The following PTPRN2 variants were observed in gnomAD, a reference collection of about 807,000 sequenced individuals.
PTPRN2 encodes the protein receptor-type tyrosine-protein phosphatase N2.
PTPRN2 carries 74 observed loss-of-function variants against 118.8 expected under a neutral mutation model. The ratio of observed to expected loss-of-function variants is 0.62; its 90% confidence interval spans 0.52 to 0.76. The LOEUF (loss-of-function observed/expected upper bound fraction) is 0.76, where lower values mean the gene tolerates loss of function less well. Among genes scored for constraint, PTPRN2 ranks in the 30% least tolerant of loss-of-function variants. PTPRN2 has a pLI of 0.00. For missense variants in PTPRN2, 1,481 were observed against 1,394.4 expected, an observed-to-expected ratio of 1.06 and a Z score of -0.99; for synonymous variants, 641 against 608.0, an observed-to-expected ratio of 1.05 and a Z score of -0.80.
intron 13 of PTPRN2, among the ~76,000 whole-genome samples, chr7:157,681,300 A>G (rs756857300): frequency 6.6e-6 from 1 of 152,214 alleles, no homozygotes; most frequent in Non-Finnish European, 1.5e-5. Context: ...TGGCCTGAAG[A>G]CCTGGCATCC....
chr7:158,344,234 C>A (rs1807317239), intron 2 of PTPRN2, among the ~76,000 whole-genome samples: 1 of 152,146 alleles, frequency 6.6e-6, no homozygotes, highest in Non-Finnish European at 1.5e-5. Context: ...CCCACACAGG[C>A]CCCAAGAAGC....
At chr7:157,995,737 T>C (rs995649533) in intron 11 of PTPRN2, among the ~76,000 whole-genome samples, 2 of 152,188 alleles carry the variant, frequency 1.3e-5, no homozygotes, top group African/African-American at 4.8e-5. Context: ...GAGGGGAGGA[T>C]CCACGTGTGC....
At chr7:158,088,317 A>G (rs1813683557) in intron 10 of PTPRN2, among the ~76,000 whole-genome samples, 1 of 31,862 alleles carries the variant, frequency 3.1e-5, no homozygotes, top group African/African-American at 5.7e-5. Flanking sequence ...CCCTGATGAA[A>G]GAGGGAGTCT....
Position 158,166,317 on chromosome 7 carries a change from C to T in PTPRN2, c.910+614G>A, listed in dbSNP as rs529260440. Among the ~76,000 whole-genome samples, 21 of 26,872 alleles carry T rather than the reference C, an allele frequency of 7.8e-4. 4 individuals carry two copies. Among genetic ancestry groups the T allele is most frequent in the Non-Finnish European group, 3.5e-4 (4 of 11,526 alleles). 17.6% of individuals were successfully genotyped at this position (26,872 alleles called of 152,430 possible). On this transcript the variant is annotated intron_variant, in intron 6 of 22. Coordinates refer to ENST00000389418, the MANE Select transcript of PTPRN2 (RefSeq NM_002847.5). ...ATCATCTCCTCCTCCCCCCCGGCCGCCGCGTTCCCTGTCCTCACACCCTCA... is the reference window on the plus strand; with the variant it reads ...ATCATCTCCTCCTCCCCCCCGGCCGTCGCGTTCCCTGTCCTCACACCCTCA...
intron 2 of PTPRN2, among the ~76,000 whole-genome samples, chr7:158,361,617 A>T (rs1293342693): frequency 1.3e-5 from 2 of 152,124 alleles, no homozygotes; most frequent in East Asian, 3.9e-4. Context: ...GACGATCTGG[A>T]GCCCCGGAGC....
At chr7:158,270,072 C>T (rs1586061222) in intron 3 of PTPRN2, among the ~76,000 whole-genome samples, 1 of 152,230 alleles carries the variant, frequency 6.6e-6, no homozygotes, top group Non-Finnish European at 1.5e-5. Context: ...TGTGCCCCAA[C>T]CAGAGCTTTT....
chr7:158,383,853 T>G (rs1811135536), intron 2 of PTPRN2, among the ~76,000 whole-genome samples: 1 of 152,232 alleles, frequency 6.6e-6, no homozygotes, highest in Non-Finnish European at 1.5e-5. Flanking sequence ...AATGACTTTT[T>G]TACAGAATTA....
rs1810940837 is a variant in PTPRN2, at chr7:157,869,810, A to C, written c.1788+28863T>G. 6.6e-6 allele frequency among the ~76,000 whole-genome samples: 1 copy of C among 152,160 alleles called. No homozygotes were observed. The highest frequency in any genetic ancestry group is 2.4e-5 in the African/African-American group (1 of 41,450). The stretch of plus-strand genomic sequence containing the variant: ...AGCTTTCCCAGGCATTTTTCTGCTA[A>C]AGTTTTTATAACTTTCTCAAAACAC... On this transcript the variant is annotated intron_variant, in intron 12 of 22. Transcript: ENST00000389418. This position sits in a 1 kb window ranked among gnomAD's most constrained non-coding sequence, Gnocchi z 4.2.
intron 10 of PTPRN2, among the ~76,000 whole-genome samples, chr7:158,097,216 G>C (rs1814697095): frequency 6.6e-6 from 1 of 152,104 alleles, no homozygotes; most frequent in Admixed American, 6.5e-5. Context: ...CCCACTGGCA[G>C]GGTGGGAGAG....
intron 10 of PTPRN2, among the ~76,000 whole-genome samples, chr7:158,107,362 A>G (rs1329504800): frequency 6.6e-6 from 1 of 152,138 alleles, no homozygotes; most frequent in Non-Finnish European, 1.5e-5. Context: ...GGTGTGCTGA[A>G]AGCCACTCCA....
At chr7:157,719,601 C>T (rs1231095810) in intron 12 of PTPRN2, among the ~76,000 whole-genome samples, 4 of 152,254 alleles carry the variant, frequency 2.6e-5, no homozygotes, top group Non-Finnish European at 5.9e-5. Flanking sequence ...AGAATAACAG[C>T]CAGTGGCAGT....
intron 11 of PTPRN2, among the ~76,000 whole-genome samples, chr7:158,049,637 T>C (rs1174242320): frequency 1.3e-5 from 2 of 152,200 alleles, no homozygotes; most frequent in Non-Finnish European, 2.9e-5. Context: ...CAGGGGCTCA[T>C]GCCTGTAATC....
Position 157,831,575 on chromosome 7 carries a change from G to T in PTPRN2, c.1788+67098C>A, listed in dbSNP as rs1807572974. Among the ~76,000 whole-genome samples the T allele has an allele frequency of 6.6e-6, 1 of 152,148 alleles. No homozygotes were observed. The highest frequency in any genetic ancestry group is 2.4e-5 in the African/African-American group (1 of 41,444). ...AGGGAAGAGGAGGAGCAGAGGAGTGGCTGGGAGGGTCTCAGTGAGCATTTC... is the reference window on the plus strand; with the variant it reads ...AGGGAAGAGGAGGAGCAGAGGAGTGTCTGGGAGGGTCTCAGTGAGCATTTC... On this transcript the variant is annotated intron_variant, in intron 12 of 22. Coordinates refer to ENST00000389418, the MANE Select transcript of PTPRN2 (RefSeq NM_002847.5). This position sits in a 1 kb window ranked among gnomAD's most constrained non-coding sequence, Gnocchi z 4.8.
At chr7:158,370,213 C>T (rs183619623) in intron 2 of PTPRN2, among the ~76,000 whole-genome samples, 4 of 151,502 alleles carry the variant, frequency 2.6e-5, no homozygotes, top group African/African-American at 7.3e-5. Context: ...CGAGGCACAC[C>T]GATCACCTGA....
At position 157,964,222 on chromosome 7, in the gene PTPRN2, C is replaced by G. The variant is rs1196790099; in HGVS notation, c.1724-65485G>C. 2.0e-5 allele frequency among the ~76,000 whole-genome samples: 3 copies of G among 151,968 alleles called. No homozygotes were observed. Among genetic ancestry groups the G allele is most frequent in the Non-Finnish European group, 2.9e-5 (2 of 67,998 alleles). ...GTCCCACCGACCTGGGCTGGAGCTC[C>G]CAGATGCTCCACACACCCACGTCTA... On this transcript the variant is annotated intron_variant, in intron 11 of 22. Transcript: ENST00000389418. This position sits in a 1 kb window ranked among gnomAD's most constrained non-coding sequence, Gnocchi z 9.0.
rs545597207 is a variant in PTPRN2 at position 157,997,377 on chromosome 7, C to T, written c.1723+83921G>A. Reference sequence around the variant, plus strand: ...CAGTTCCTGCCTGTCCTGGGAAGGCCACGGAGACAGACCCTTGACTTCAGG... The same window carrying T: ...CAGTTCCTGCCTGTCCTGGGAAGGCTACGGAGACAGACCCTTGACTTCAGG... On this transcript the variant is annotated intron_variant, in intron 11 of 22. Transcript: ENST00000389418. 2.6e-5 allele frequency among the ~76,000 whole-genome samples: 4 copies of T among 152,378 alleles called. No individual in the cohort carries two copies. The South Asian group carries it at 8.3e-4, about 32-fold the overall frequency.
At chr7:158,396,680 GTGTGTGTGCATGTT>G (rs1812538338) in intron 2 of PTPRN2, among the ~76,000 whole-genome samples, 1 of 152,148 alleles carries the variant, frequency 6.6e-6, no homozygotes, top group Admixed American at 6.5e-5. Context: ...TTGTGTGCAC[GTGTGTGTGCATGTT>G]TGTGTGTGCA....
chr7:158,256,529 T>C (rs1396135897), intron 3 of PTPRN2, among the ~76,000 whole-genome samples: 2 of 152,016 alleles, frequency 1.3e-5, no homozygotes, highest in Non-Finnish European at 2.9e-5. Flanking sequence ...GACCTACCTA[T>C]TGGTTCAGGT....
chr7:157,710,823 C>T lies in PTPRN2; in HGVS notation c.1789-27886G>A, dbSNP rs1206655533. ...CGAGAGCCCCACGCGCCGGAGGTTC[C>T]GGGGCAGCCGGGTTACACGCGAGAG... is the stretch of plus-strand genomic sequence containing the variant. On this transcript the variant is annotated intron_variant, in intron 12 of 22. Transcript: ENST00000389418. Among the ~76,000 whole-genome samples the T allele has an allele frequency of 5.7e-5, 8 of 139,878 alleles. No homozygotes were observed. In the East Asian group the frequency reaches 1.1e-3, roughly 19 times the overall value. 91.8% of individuals were successfully genotyped at this position (139,878 alleles called of 152,430 possible). A position where few individuals can be genotyped will look rare whatever the true frequency, so the allele number is the denominator to read the frequency against.
Sources: allele counts gnomAD v4.1 joint callset (sites outside exome capture counted in the v4.1 genomes callset), GRCh38; gene constraint gnomAD v4.1.1; non-coding constraint Gnocchi (gnomAD v3.1); transcripts MANE v1.5; gene names NCBI Gene and HGNC (gene_info 2026-07-23, HGNC 2026-07-21).